The following USF3 variants were observed in gnomAD, a reference collection of about 807,000 sequenced individuals.
USF3 encodes the protein upstream transcription factor family member 3.
In USF3, 29 loss-of-function variants were observed where a neutral mutation model predicts 157.5. That is an observed-to-expected ratio of 0.18 (90% confidence interval 0.14 to 0.25). The LOEUF (loss-of-function observed/expected upper bound fraction) is 0.25. USF3 is among the 10% of genes least tolerant of loss of function. The pLI, the probability that USF3 is intolerant of heterozygous loss-of-function variation, is 1.00. For synonymous variants in USF3, 893 were observed against 941.4 expected (o/e 0.95, Z 0.94); for missense variants, 2,381 against 2,667.6 (o/e 0.89, Z 2.37).
intron 1 of USF3, among the ~76,000 whole-genome samples, chr3:113,694,249 T>A (rs1476347449): frequency 6.6e-6 from 1 of 152,244 alleles, no homozygotes; most frequent in Non-Finnish European, 1.5e-5. Flanking sequence ...GCTGATTACC[T>A]GTTGAAGCTT....
chr3:113,658,817 A>C lies in USF3; in HGVS notation c.2865T>G (p.Val955=). The C allele has an allele frequency of 6.2e-7, 1 of 1,614,208 alleles. No individual in the cohort carries two copies. The highest frequency in any genetic ancestry group is 8.5e-7 in the Non-Finnish European group (1 of 1,180,030). The change falls in exon 7 of 7, where the codon GTT becomes GTG. Residue 955 remains valine (V), a synonymous_variant. Transcript: ENST00000316407. ...TAGATGACAAACCAGGAACCTGAGA[A>C]ACCAAAATGTGAGGATCACTTGGAG... The part of the protein sequence containing the change: ...IPSPSDPHIL[V]SQVPGLSSTT...
In USF3 at chr3:113,657,972, G is replaced by T. The variant is rs1050027608; in HGVS notation, c.3710C>A (p.Thr1237Asn). The T allele has an allele frequency of 1.2e-5, 19 of 1,614,198 alleles. No homozygotes were observed. Among genetic ancestry groups the T allele is most frequent in the Non-Finnish European group, 1.6e-5 (19 of 1,180,032 alleles). The part of the protein sequence containing the change: ...QDSTSQPPSI[T>N]SLSVNNLIHQ... Reference sequence around the variant, plus strand: ...GATAAGATTATTCACACTTAAACTGGTGATGCTTGGTGGCTGAGAAGTTGA... The same window carrying T: ...GATAAGATTATTCACACTTAAACTGTTGATGCTTGGTGGCTGAGAAGTTGA... Residue 1237 changes from threonine (T) to asparagine (N), a missense_variant, in exon 7 of 7, where the codon ACC becomes AAC. Physicochemically the swap from Thr to Asn is moderately conservative, Grantham distance 65. Around this residue, in one of 6 missense-constraint regions of USF3, gnomAD observed 1,435 missense variants for 1,550.9 expected, o/e 0.93. Transcript: ENST00000316407.
intron 6 of USF3, among the ~76,000 whole-genome samples, chr3:113,661,983 ATTACAGGT>A (rs1947493707): frequency 2.6e-5 from 4 of 152,140 alleles, no homozygotes; most frequent in Non-Finnish European, 4.4e-5. Flanking sequence ...AGTAGCTGAG[ATTACAGGT>A]GCGCACCAAC....
At chr3:113,664,129 A>C (rs969546240) in intron 6 of USF3, among the ~76,000 whole-genome samples, 184 bp downstream of exon 6, 29 of 152,230 alleles carry the variant, frequency 1.9e-4, no homozygotes, top group African/African-American at 6.3e-4. Flanking sequence ...GTGCTCACAG[A>C]GGAGAAAGAG....
intron 2 of USF3, among the ~76,000 whole-genome samples, chr3:113,676,266 T>G (rs761027207): frequency 2.0e-4 from 30 of 152,292 alleles, no homozygotes; most frequent in Admixed American, 6.5e-4. Context: ...CCAGTACCAA[T>G]TTACTGTGTT....
chr3:113,667,704 T>C (rs1947591644), intron 5 of USF3, among the ~76,000 whole-genome samples: 1 of 151,998 alleles, frequency 6.6e-6, no homozygotes, highest in Admixed American at 6.6e-5. Context: ...CCATCTCTAC[T>C]AAAAATACAA....
Position 113,655,076 on chromosome 3 carries a change from A to G in USF3, c.6606T>C (p.Pro2202=), listed in dbSNP as rs1947329112. 2 of 1,614,104 alleles carry G rather than the reference A, an allele frequency of 1.2e-6. No homozygotes were observed. Among genetic ancestry groups the G allele is most frequent in the African/African-American group, 2.7e-5 (2 of 74,962 alleles). The change falls in exon 7 of 7, where the codon CCT becomes CCC. Residue 2202 remains proline, a synonymous_variant. Transcript: ENST00000316407. Reference sequence around the variant, plus strand: ...GCAAAGGTGACATTGCTGAGCCATCAGGAAGCGCTGTGGCTATTTCTGGAA... The same window carrying G: ...GCAAAGGTGACATTGCTGAGCCATCGGGAAGCGCTGTGGCTATTTCTGGAA... ...SLFPEIATAL[P]DGSAMSPLLT...
At chr3:113,682,647 G>A (rs1707460333) in intron 1 of USF3, among the ~76,000 whole-genome samples, 1 of 151,942 alleles carries the variant, frequency 6.6e-6, no homozygotes, top group South Asian at 2.1e-4. Context: ...TTCCTCTATT[G>A]GGTGCATATA....
In USF3 at chr3:113,695,408, T is replaced by C. The variant is rs563935713; in HGVS notation, c.-135+962A>G. 2.0e-5 allele frequency among the ~76,000 whole-genome samples: 3 copies of C among 152,348 alleles called. No homozygotes were observed. In the South Asian group the frequency reaches 6.2e-4, roughly 32 times the overall value. The stretch of plus-strand genomic sequence containing the variant: ...AGGCAGGTTTGTCTGTTTGGTTTTC[T>C]TTACAAAAGAGCAAACCTGGGAATA... On this transcript the variant is annotated intron_variant, in intron 1 of 6. Coordinates refer to ENST00000316407, the MANE Select transcript of USF3 (RefSeq NM_001009899.4).
chr3:113,655,798 C>T lies in USF3; in HGVS notation c.5884G>A (p.Asp1962Asn), dbSNP rs1947345969. The stretch of plus-strand genomic sequence containing the variant: ...GCTTGACGTACAGCAGGGCCTTGAT[C>T]GCCATTTCCATGAGACACAGATGGA... ...PHPSVSHGNG[D>N]QGPAVRQANS... The change falls in exon 7 of 7, where the codon GAT becomes AAT. Residue 1962 changes from aspartate to asparagine, a missense_variant. Physicochemically the swap from Asp to Asn is conservative, Grantham distance 23 (BLOSUM62 1). Coordinates refer to ENST00000316407, the MANE Select transcript of USF3 (RefSeq NM_001009899.4). 10 of 1,613,968 alleles carry T rather than the reference C, an allele frequency of 6.2e-6. No homozygotes were observed. Among genetic ancestry groups the T allele is most frequent in the African/African-American group, 2.7e-5 (2 of 74,912 alleles).
At position 113,649,594 on chromosome 3, in the gene USF3, C is replaced by A. The variant is rs914152289; in HGVS notation, c.*5350G>T. The A allele has an allele frequency of 1.5e-5, 6 of 392,558 alleles. No homozygotes were observed. The highest frequency in any genetic ancestry group is 2.7e-5 in the Non-Finnish European group (6 of 222,302). 24.3% of individuals were successfully genotyped at this position (392,558 alleles called of 1,614,324 possible). A position where few individuals can be genotyped will look rare whatever the true frequency, so the allele number is the denominator to read the frequency against. On this transcript the variant is annotated 3_prime_UTR_variant, in exon 7 of 7. Transcript: ENST00000316407. Reference sequence around the variant, plus strand: ...AGTGAGAAACATCAGCTGTACTTGTCGAGAAGGTGTCTGATTACACAGCGT... The same window carrying A: ...AGTGAGAAACATCAGCTGTACTTGTAGAGAAGGTGTCTGATTACACAGCGT...
chr3:113,694,958 T>C (rs935226771), intron 1 of USF3, among the ~76,000 whole-genome samples: 2 of 152,112 alleles, frequency 1.3e-5, no homozygotes, highest in Non-Finnish European at 2.9e-5. Context: ...TGCAGGAGAA[T>C]TGCTTGAACC....
rs566182758 is a variant in USF3, at chr3:113,661,545, C to T, written c.257-120G>A. On this transcript the variant is annotated intron_variant, in intron 6 of 6. Coordinates refer to ENST00000316407, the MANE Select transcript of USF3 (RefSeq NM_001009899.4). ...ATTCTAGCATTCTAAGTACTTCAACCGAGACTCTTCAGCTCTTTTCTAATA... is the reference window on the plus strand; with the variant it reads ...ATTCTAGCATTCTAAGTACTTCAACTGAGACTCTTCAGCTCTTTTCTAATA... The T allele has an allele frequency of 2.6e-5, 14 of 541,260 alleles. No homozygotes were observed. In the South Asian group the frequency reaches 4.1e-4, roughly 16 times the overall value. The allele number at this position is 541,260 out of a possible 1,614,324, so 33.5% of individuals were successfully genotyped here.
At chr3:113,694,682 T>C (rs780092689) in intron 1 of USF3, among the ~76,000 whole-genome samples, 7 of 152,326 alleles carry the variant, frequency 4.6e-5, no homozygotes, top group Middle Eastern at 3.4e-3. Context: ...ACACTAACGA[T>C]AGCTGATGAG....
rs747371555 is a variant in USF3 at position 113,658,562 on chromosome 3, A to T, written c.3120T>A (p.Asp1040Glu). ...GTTTGGGATGTAAATTCACACTTGA[A>T]TCAACTATTTTAGGATTTTCTGAAG... ...DFSSENPKIV[D>E]SSVNLHPKQE... Residue 1040 changes from aspartate to glutamate, a missense_variant, in exon 7 of 7, where the codon GAT (aspartate) becomes GAA (glutamate). Around this residue, in one of 6 missense-constraint regions of USF3, gnomAD observed 1,435 missense variants for 1,550.9 expected, o/e 0.93. Coordinates refer to ENST00000316407, the MANE Select transcript of USF3 (RefSeq NM_001009899.4). 6.8e-6 allele frequency: 11 copies of T among 1,614,080 alleles called. No individual in the cohort carries two copies. The South Asian group carries it at 1.1e-4, about 16-fold the overall frequency.
At position 113,682,353 on chromosome 3, in the gene USF3, A is replaced by AC. The variant is rs944504956; in HGVS notation, c.-134-4957_-134-4956insG. Among the ~76,000 whole-genome samples, 58 of 151,954 alleles carry AC rather than the reference A, an allele frequency of 3.8e-4. 5 individuals carry two copies. Among genetic ancestry groups the AC allele is most frequent in the African/African-American group, 1.3e-3 (52 of 41,478 alleles). ...AACAAAACAAAAAACAAACAAACAA[A>AC]AAAAAAAAACACCACTTGCTTTGTG... On this transcript the variant is annotated intron_variant, in intron 1 of 6. Coordinates refer to ENST00000316407, the MANE Select transcript of USF3 (RefSeq NM_001009899.4).
chr3:113,669,924 T>C (rs1456535811), intron 5 of USF3, among the ~76,000 whole-genome samples, 197 bp downstream of exon 5: 1 of 152,222 alleles, frequency 6.6e-6, no homozygotes, highest in Non-Finnish European at 1.5e-5. Flanking sequence ...AGAAATTATA[T>C]GGTACATTTG....
chr3:113,656,840 T>C lies in USF3; in HGVS notation c.4842A>G (p.Ser1614=). The change falls in exon 7 of 7, where the codon TCA becomes TCG. Residue 1614 remains serine (S), a synonymous_variant. Coordinates refer to ENST00000316407, the MANE Select transcript of USF3 (RefSeq NM_001009899.4). ...CAGATACATGTTCAGATGAAACCCC[T>C]GAACCTTGCTGTCTGCTTCCAACAT... is the stretch of plus-strand genomic sequence containing the variant. ...QQDVGSRQQG[S]GVSSEHVSGH... 6.2e-7 allele frequency: 1 copy of C among 1,614,250 alleles called. No homozygotes were observed. Among genetic ancestry groups the C allele is most frequent in the Non-Finnish European group, 8.5e-7 (1 of 1,180,038 alleles).
rs71131103 is a variant in USF3, at chr3:113,680,053, CTTTTTTT to C, written c.-134-2663_-134-2657del. On this transcript the variant is annotated intron_variant, in intron 1 of 6. Transcript: ENST00000316407. ...ACCACAGATATTGGCCTGTAGTTTT[CTTTTTTT>C]TTTTTTTTTTTTTTTTTGATGTGTC... is the stretch of plus-strand genomic sequence containing the variant. Among the ~76,000 whole-genome samples the C allele has an allele frequency of 8.5e-3, 497 of 58,652 alleles. 1 individual carries two copies. The highest frequency in any genetic ancestry group is 0.013 in the Admixed American group (54 of 4,092). 38.5% of individuals were successfully genotyped at this position (58,652 alleles called of 152,430 possible).
Sources: gnomAD v4.1 joint callset for allele counts (sites outside exome capture counted in the v4.1 genomes callset) on GRCh38, gnomAD v4.1.1 for gene constraint, gnomAD v4.1.1 regional missense constraint, MANE v1.5 for transcripts, NCBI Gene and HGNC (gene_info 2026-07-23, HGNC 2026-07-21) for gene names.